SPPL3: variants seen among roughly 807,000 people sequenced by gnomAD.
The protein encoded by SPPL3 is signal peptide peptidase-like 3.
SPPL3 carries 5 observed loss-of-function variants against 42.4 expected under a neutral mutation model. The observed-to-expected ratio is 0.12, with a 90% CI of 0.06 to 0.25. SPPL3 has a LOEUF of 0.25. SPPL3 is among the 10% of genes least tolerant of loss of function. SPPL3 has a pLI of 1.00. For synonymous variants in SPPL3, 195 were observed against 181.8 expected (o/e 1.07, Z -0.58); for missense variants, 235 against 489.0 (o/e 0.48, Z 4.90).
intron 1 of SPPL3, among the ~76,000 whole-genome samples, chr12:120,880,353 T>C (rs944759648): frequency 6.6e-6 from 1 of 151,998 alleles, no homozygotes; most frequent in Non-Finnish European, 1.5e-5. Flanking sequence ...TTCATGACAT[T>C]GGATTTGGCA....
At chr12:120,780,274 A>C (rs1408893204) in intron 6 of SPPL3, among the ~76,000 whole-genome samples, 2 of 151,136 alleles carry the variant, frequency 1.3e-5, no homozygotes, top group East Asian at 2.0e-4. Flanking sequence ...AGCCTGGGTA[A>C]CATAGTGAGA....
intron 6 of SPPL3, 39 bp from the exon 7 acceptor site, chr12:120,769,098 T>C: frequency 6.7e-7 from 1 of 1,501,284 alleles, no homozygotes; most frequent in Non-Finnish European, 9.2e-7. Context: ...GCAGTCAGTG[T>C]GGACTCCAGG....
intron 1 of SPPL3, among the ~76,000 whole-genome samples, chr12:120,824,604 A>G (rs1376851495): frequency 6.6e-6 from 1 of 152,212 alleles, no homozygotes; most frequent in Non-Finnish European, 1.5e-5. Flanking sequence ...ATCACGGCTC[A>G]CTGCAGCCTT....
At chr12:120,869,133 T>C (rs2137048286) in intron 1 of SPPL3, among the ~76,000 whole-genome samples, 2 of 152,254 alleles carry the variant, frequency 1.3e-5, no homozygotes, top group Admixed American at 1.3e-4. Context: ...CACTAGGAAA[T>C]AACATGATAT....
intron 1 of SPPL3, among the ~76,000 whole-genome samples, chr12:120,812,164 T>A (rs1052402400): frequency 1.3e-5 from 2 of 151,766 alleles, no homozygotes; most frequent in Non-Finnish European, 2.9e-5. Context: ...AGACAGAGTC[T>A]TGCTCTGTTA....
chr12:120,811,697 T>C (rs574586138), intron 1 of SPPL3, among the ~76,000 whole-genome samples: 7 of 152,314 alleles, frequency 4.6e-5, no homozygotes, highest in African/African-American at 1.7e-4. Flanking sequence ...TTGTTGTTGT[T>C]GTTGTTTAAT....
chr12:120,765,670 T>G (rs1868861374), intron 10 of SPPL3, among the ~76,000 whole-genome samples: 1 of 151,940 alleles, frequency 6.6e-6, no homozygotes, highest in Non-Finnish European at 1.5e-5. Context: ...CCCACTATTT[T>G]TAGGAGGACT....
intron 1 of SPPL3, chr12:120,845,337 C>T (rs1046291118): frequency 8.4e-6 from 3 of 356,072 alleles, no homozygotes; most frequent in African/African-American, 4.3e-5. Flanking sequence ...TCCTCATGAA[C>T]TCCTCGCAGG....
At position 120,763,880 on chromosome 12, in the gene SPPL3, A is replaced by G. The variant is rs1868766906; in HGVS notation, c.*1119T>C. The G allele has an allele frequency of 6.6e-6, 1 of 152,292 alleles. No individual in the cohort carries two copies. The highest frequency in any genetic ancestry group is 1.5e-5 in the Non-Finnish European group (1 of 67,954). The allele number at this position is 152,292 out of a possible 1,614,324, so 9.4% of individuals were successfully genotyped here. A position where few individuals can be genotyped will look rare whatever the true frequency, so the allele number is the denominator to read the frequency against. ...ACCAATGAAACAAAATGTCAAAAAA[A>G]AAAATACAAAAAAATAGAAAATAGA... On this transcript the variant is annotated 3_prime_UTR_variant, in exon 11 of 11. Transcript: ENST00000353487.
chr12:120,817,804 C>T (rs497457), intron 1 of SPPL3, among the ~76,000 whole-genome samples: 15,790 of 152,104 alleles, frequency 0.1, 1,793 homozygotes, highest in African/African-American at 0.29. Flanking sequence ...CTGCTGGTAA[C>T]GACAGGGAGG....
In SPPL3 at chr12:120,764,966, T is replaced by C. The variant is rs1592950611; in HGVS notation, c.*33A>G. 1 of 1,609,340 alleles carries C rather than the reference T, an allele frequency of 6.2e-7. No individual in the cohort carries two copies. Among genetic ancestry groups the C allele is most frequent in the East Asian group, 2.2e-5 (1 of 44,804 alleles). On this transcript the variant is annotated 3_prime_UTR_variant, in exon 11 of 11. Transcript: ENST00000353487. ...ACCATGAGTTGAGAGAAAAGGACTA[T>C]GACGGCCATCTGGTCACTTTCCACG...
Position 120,871,011 on chromosome 12 carries a change from T to C in SPPL3, c.23+32834A>G, listed in dbSNP as rs1193875443. 3.3e-5 allele frequency among the ~76,000 whole-genome samples: 5 copies of C among 150,858 alleles called. No homozygotes were observed. The East Asian group carries it at 5.9e-4, about 18-fold the overall frequency. On this transcript the variant is annotated intron_variant, in intron 1 of 10. Transcript: ENST00000353487. ...CGGGCATGGCGCCAGGCACCTATAG[T>C]CCCAGTTATTCGGGAGGCTGAGACA...
At chr12:120,798,362 G>C (rs1433384966) in intron 2 of SPPL3, among the ~76,000 whole-genome samples, 2 of 152,170 alleles carry the variant, frequency 1.3e-5, no homozygotes, top group East Asian at 1.9e-4. Context: ...GTCACACTTA[G>C]AGGAATAGCT....
At chr12:120,810,597 T>C (rs943570862) in intron 2 of SPPL3, among the ~76,000 whole-genome samples, 1 of 152,246 alleles carries the variant, frequency 6.6e-6, no homozygotes, top group African/African-American at 2.4e-5. Context: ...AGTTTTTACA[T>C]GTAAGCATTA....
At chr12:120,780,033 G>A (rs891627698) in intron 6 of SPPL3, among the ~76,000 whole-genome samples, 1 of 150,632 alleles carries the variant, frequency 6.6e-6, no homozygotes, top group Non-Finnish European at 1.5e-5. Flanking sequence ...GAATGATACG[G>A]TTTAAAAGAA....
intron 1 of SPPL3, among the ~76,000 whole-genome samples, chr12:120,878,015 G>A (rs1159310281): frequency 7.9e-6 from 1 of 127,212 alleles, no homozygotes; most frequent in Non-Finnish European, 1.7e-5. Flanking sequence ...CAAGACTCTT[G>A]TCTTAAAAAA....
intron 1 of SPPL3, among the ~76,000 whole-genome samples, chr12:120,844,366 C>G (rs550313706): frequency 6.6e-6 from 1 of 152,306 alleles, no homozygotes; most frequent in South Asian, 2.1e-4. Context: ...AGTCTTACTC[C>G]CATTCTCCTT....
intron 1 of SPPL3, among the ~76,000 whole-genome samples, chr12:120,866,992 T>A (rs1386440137): frequency 6.6e-6 from 1 of 152,200 alleles, no homozygotes; most frequent in Non-Finnish European, 1.5e-5. Flanking sequence ...AGTGCTTGAG[T>A]GATAATCCAT....
intron 1 of SPPL3, among the ~76,000 whole-genome samples, chr12:120,856,603 G>A (rs1872468690): frequency 2.0e-5 from 3 of 147,470 alleles, no homozygotes; most frequent in Admixed American, 1.4e-4. Flanking sequence ...AACGACGGCA[G>A]CATTCAGGGC....
Sources: allele counts gnomAD v4.1 joint callset (sites outside exome capture counted in the v4.1 genomes callset), GRCh38; gene constraint gnomAD v4.1.1; transcripts MANE v1.5; gene names NCBI Gene and HGNC (gene_info 2026-07-23, HGNC 2026-07-21).